SCUBE3: variants seen among roughly 807,000 people sequenced by gnomAD.
SCUBE3 encodes signal peptide, CUB domain and EGF like domain containing 3.
Under a neutral mutation model 116.8 loss-of-function variants are expected in SCUBE3, and 33 were observed. That is an observed-to-expected ratio of 0.28 (90% CI 0.21 to 0.38). The LOEUF (loss-of-function observed/expected upper bound fraction) is 0.38. Ranked by LOEUF, SCUBE3 falls within the 10% of genes least tolerant of loss-of-function variation. The pLI is 1.00. For synonymous variants in SCUBE3, 418 were observed against 496.9 expected, an observed-to-expected ratio of 0.84 and a Z score of 2.11; for missense variants, 1,007 against 1,324.8, an observed-to-expected ratio of 0.76 and a Z score of 3.72.
rs565556777 is a variant in SCUBE3 at position 35,252,588 on chromosome 6, A to T, written c.*3883A>T. On this transcript the variant is annotated 3_prime_UTR_variant, in exon 22 of 22. Transcript: ENST00000274938. The stretch of plus-strand genomic sequence containing the variant: ...AACTGAGCATAAGCAGAAAATGTTA[A>T]CCCTCCAGGTTTCTTTCTTAAGCAC... 1 of 152,310 alleles carries T rather than the reference A, an allele frequency of 6.6e-6. No homozygotes were observed. Among genetic ancestry groups the T allele is most frequent in the East Asian group, 1.9e-4 (1 of 5,192 alleles). The allele number at this position is 152,310 out of a possible 1,614,324, so 9.4% of individuals were successfully genotyped here.
At chr6:35,242,886 C>T in intron 14 of SCUBE3, 106 bp downstream of exon 14, 1 of 1,509,404 alleles carries the variant, frequency 6.6e-7, no homozygotes, top group African/African-American at 1.4e-5. Context: ...GTACTAGGGG[C>T]AGACCCTGCC....
intron 1 of SCUBE3, among the ~76,000 whole-genome samples, chr6:35,220,149 G>T (rs955188913): frequency 6.6e-6 from 1 of 152,180 alleles, no homozygotes. Flanking sequence ...GTTGGGGGAG[G>T]TACAATAATG....
At chr6:35,236,543 T>G (rs1395459590) in intron 6 of SCUBE3, among the ~76,000 whole-genome samples, 1 of 152,108 alleles carries the variant, frequency 6.6e-6, no homozygotes, top group African/African-American at 2.4e-5. Context: ...GAGACTAAAG[T>G]GGAAATGGCA....
At chr6:35,236,329 A>C (rs1783769229) in intron 6 of SCUBE3, among the ~76,000 whole-genome samples, 1 of 152,214 alleles carries the variant, frequency 6.6e-6, no homozygotes, top group African/African-American at 2.4e-5. Flanking sequence ...TGGGATGGAC[A>C]TTGTGCCAGC....
intron 1 of SCUBE3, chr6:35,221,702 G>A (rs1318850368): frequency 6.6e-6 from 1 of 152,110 alleles, no homozygotes. Flanking sequence ...TTGCTGCATG[G>A]GTTTCAAAGC....
In SCUBE3 at chr6:35,227,467, G is replaced by C. The variant is rs767865263; in HGVS notation, c.86-113G>C. On this transcript the variant is annotated intron_variant, in intron 1 of 21. Transcript: ENST00000274938. ...GAGACAGCACCTGTTTCTGGAGGGG[G>C]TCACTGCCTCTGTTTTAGAGAAGAG... The C allele has an allele frequency of 6.3e-6, 7 of 1,106,304 alleles. No individual in the cohort carries two copies. In the East Asian group the frequency reaches 1.4e-4, roughly 23 times the overall value. The allele number at this position is 1,106,304 out of a possible 1,614,324, so 68.5% of individuals were successfully genotyped here. A position where few individuals can be genotyped will look rare whatever the true frequency, so the allele number is the denominator to read the frequency against.
Position 35,228,836 on chromosome 6 carries a change from C to A in SCUBE3, c.334+97C>A. On this transcript the variant is annotated intron_variant, in intron 3 of 21. Coordinates refer to ENST00000274938, the MANE Select transcript of SCUBE3 (RefSeq NM_152753.4). This position sits in a 1 kb window ranked among gnomAD's most constrained non-coding sequence, Gnocchi z 4.9. Reference sequence around the variant, plus strand: ...TCCCAGGGAAGGAGGAGAGAGTGATCAAGAAGAGCTACATTCACAAGAGAA... The same window carrying A: ...TCCCAGGGAAGGAGGAGAGAGTGATAAAGAAGAGCTACATTCACAAGAGAA... 2 of 1,275,140 alleles carry A rather than the reference C, an allele frequency of 1.6e-6. No individual in the cohort carries two copies. Among genetic ancestry groups the A allele is most frequent in the Non-Finnish European group, 2.3e-6 (2 of 882,630 alleles). The allele number at this position is 1,275,140 out of a possible 1,614,324, so 79.0% of individuals were successfully genotyped here. A position where few individuals can be genotyped will look rare whatever the true frequency, so the allele number is the denominator to read the frequency against.
chr6:35,227,846 G>C, intron 2 of SCUBE3, 144 bp downstream of exon 2: 2 of 838,962 alleles, frequency 2.4e-6, no homozygotes, highest in Non-Finnish European at 1.9e-6. Flanking sequence ...GGGGGCAACT[G>C]CATCTTCCCA....
At position 35,235,209 on chromosome 6, in the gene SCUBE3, CCTTT is replaced by C. The variant is rs1783716628; in HGVS notation, c.712+1911_712+1914del. ...TGGTACTGGGCACATGGTTGGTTGC[CCTTT>C]CTGAGACTGTTTCAGTTTTTCAGTC... On this transcript the variant is annotated intron_variant, in intron 6 of 21. Coordinates refer to ENST00000274938, the MANE Select transcript of SCUBE3 (RefSeq NM_152753.4). The surrounding 1 kb of genome is among the most constrained non-coding windows in gnomAD (Gnocchi z 4.5). 6.6e-6 allele frequency among the ~76,000 whole-genome samples: 1 copy of C among 152,104 alleles called. No homozygotes were observed. The highest frequency in any genetic ancestry group is 1.5e-5 in the Non-Finnish European group (1 of 68,026).
rs3800386 is a variant in SCUBE3 at position 35,219,700 on chromosome 6, G to T, written c.85+5197G>T. 2.0e-5 allele frequency among the ~76,000 whole-genome samples: 3 copies of T among 152,248 alleles called. No homozygotes were observed. Among genetic ancestry groups the T allele is most frequent in the Admixed American group, 6.5e-5 (1 of 15,302 alleles). The stretch of plus-strand genomic sequence containing the variant: ...GGAGTATCAGGATATGTGGGCATTG[G>T]GGGGAGGGCTGGGGAAGGGGAGTGC... On this transcript the variant is annotated intron_variant, in intron 1 of 21. Coordinates refer to ENST00000274938, the MANE Select transcript of SCUBE3 (RefSeq NM_152753.4). This position sits in a 1 kb window ranked among gnomAD's most constrained non-coding sequence, Gnocchi z 4.7.
In SCUBE3 at chr6:35,248,798, C is replaced by T; in HGVS notation, c.*93C>T. 1 of 986,404 alleles carries T rather than the reference C, an allele frequency of 1.0e-6. No homozygotes were observed. Among genetic ancestry groups the T allele is most frequent in the East Asian group, 2.4e-5 (1 of 41,444 alleles). The allele number at this position is 986,404 out of a possible 1,614,324, so 61.1% of individuals were successfully genotyped here. On this transcript the variant is annotated 3_prime_UTR_variant, in exon 22 of 22. Transcript: ENST00000274938. Reference sequence around the variant, plus strand: ...CCTACCCTCAGACAAGGAACTCTCTCCTCTCTTTTTGGAGGGAAAAAAAAA... The same window carrying T: ...CCTACCCTCAGACAAGGAACTCTCTTCTCTCTTTTTGGAGGGAAAAAAAAA...
chr6:35,236,489 T>G (rs1053702061), intron 6 of SCUBE3, among the ~76,000 whole-genome samples: 12 of 152,208 alleles, frequency 7.9e-5, no homozygotes, highest in African/African-American at 2.7e-4. Flanking sequence ...CTGAACTCAA[T>G]GTTCCCTACT....
rs377685439 is a variant in SCUBE3, at chr6:35,227,640, C to G, written c.146C>G (p.Thr49Ser). 1 of 1,614,082 alleles carries G rather than the reference C, an allele frequency of 6.2e-7. No individual in the cohort carries two copies. The highest frequency in any genetic ancestry group is 8.5e-7 in the Non-Finnish European group (1 of 1,179,948). ...NCHIDAICQN[T>S]PRSYKCICKS... ...CACATCGATGCTATCTGCCAGAACA[C>G]CCCGAGGTCATACAAGTGCATCTGC... is the stretch of plus-strand genomic sequence containing the variant. The change falls in exon 2 of 22, where the codon ACC becomes AGC. Residue 49 changes from threonine to serine, a missense_variant. Around this residue, in one of 5 missense-constraint regions of SCUBE3, gnomAD observed 94 missense variants for 92.0 expected, o/e 1.02. Coordinates refer to ENST00000274938, the MANE Select transcript of SCUBE3 (RefSeq NM_152753.4).
chr6:35,218,417 G>C (rs990691211), intron 1 of SCUBE3, among the ~76,000 whole-genome samples: 2 of 152,214 alleles, frequency 1.3e-5, no homozygotes, highest in Non-Finnish European at 2.9e-5. Flanking sequence ...CTTTTGAGAA[G>C]ATGGAGCTGG....
chr6:35,217,433 G>A (rs1205717223), intron 1 of SCUBE3, among the ~76,000 whole-genome samples: 2 of 151,716 alleles, frequency 1.3e-5, no homozygotes, highest in African/African-American at 2.4e-5. Context: ...TAGGGATAGA[G>A]TTTTGATAAA....
chr6:35,216,931 A>G (rs1562039391), intron 1 of SCUBE3, among the ~76,000 whole-genome samples: 1 of 150,424 alleles, frequency 6.6e-6, no homozygotes, highest in Non-Finnish European at 1.5e-5. Context: ...GACTGTGCAC[A>G]CATGAGAGGT....
In SCUBE3 at chr6:35,215,660, T is replaced by G. The variant is rs910473584; in HGVS notation, c.85+1157T>G. Among the ~76,000 whole-genome samples the G allele has an allele frequency of 2.0e-5, 3 of 152,194 alleles. 1 individual carries two copies. The highest frequency in any genetic ancestry group is 1.9e-4 in the East Asian group (1 of 5,196). The stretch of plus-strand genomic sequence containing the variant: ...GAGCCTGAGCGTTTGGCTCTTAAGC[T>G]GCTCTGTTGTATTGGATGGGCTCCT... On this transcript the variant is annotated intron_variant, in intron 1 of 21. Transcript: ENST00000274938.
chr6:35,218,489 G>A (rs1387812606), intron 1 of SCUBE3, among the ~76,000 whole-genome samples: 1 of 152,122 alleles, frequency 6.6e-6, no homozygotes, highest in East Asian at 1.9e-4. Flanking sequence ...AAATGTCAGG[G>A]TGTGGGCCTC....
In SCUBE3 at chr6:35,226,479, C is replaced by CTTTTTTTTTTTTTTTTTTT. The variant is rs1562044702; in HGVS notation, c.86-1101_86-1100insTTTTTTTTTTTTTTTTTTT. Among the ~76,000 whole-genome samples, 22 of 52,180 alleles carry CTTTTTTTTTTTTTTTTTTT rather than the reference C, an allele frequency of 4.2e-4. 1 individual carries two copies. The highest frequency in any genetic ancestry group is 8.7e-4 in the African/African-American group (16 of 18,324). The allele number at this position is 52,180 out of a possible 152,430, so 34.2% of individuals were successfully genotyped here. On this transcript the variant is annotated intron_variant, in intron 1 of 21. Coordinates refer to ENST00000274938, the MANE Select transcript of SCUBE3 (RefSeq NM_152753.4). ...TCAGAAGTTGGACTCTTTTCTATGT[C>CTTTTTTTTTTTTTTTTTTT]CTTTTTTTTTTTTTTTTTTTTTTGA... is the stretch of plus-strand genomic sequence containing the variant.
Sources: gnomAD v4.1 joint callset for allele counts (sites outside exome capture counted in the v4.1 genomes callset) on GRCh38, gnomAD v4.1.1 for gene constraint, gnomAD v4.1.1 regional missense constraint, Gnocchi (gnomAD v3.1) non-coding constraint, MANE v1.5 for transcripts, NCBI Gene and HGNC (gene_info 2026-07-23, HGNC 2026-07-21) for gene names.